The following ZDHHC3 variants were observed in gnomAD, a reference collection of about 807,000 sequenced individuals.
ZDHHC3 encodes zDHHC palmitoyltransferase 3.
ZDHHC3 carries 9 observed loss-of-function variants against 30.6 expected under a neutral mutation model. The observed-to-expected ratio is 0.29, with a 90% CI of 0.18 to 0.51. ZDHHC3 has a LOEUF of 0.51. Among genes scored for constraint, ZDHHC3 ranks in the 20% least tolerant of loss-of-function variants. The pLI is 0.97. For missense variants in ZDHHC3, 246 were observed against 384.2 expected (o/e 0.64, Z 3.01); for synonymous variants, 136 against 140.2 (o/e 0.97, Z 0.21).
At chr3:44,970,870 T>G (rs1705350211) in intron 1 of ZDHHC3, among the ~76,000 whole-genome samples, 1 of 152,198 alleles carries the variant, frequency 6.6e-6, no homozygotes, top group Non-Finnish European at 1.5e-5. Flanking sequence ...AATATTCAAA[T>G]ATTTGCATAT....
At chr3:44,944,991 A>T (rs1412306103) in intron 3 of ZDHHC3, among the ~76,000 whole-genome samples, 177 bp downstream of exon 3, 1 of 152,194 alleles carries the variant, frequency 6.6e-6, no homozygotes, top group Admixed American at 6.5e-5. Context: ...GCTCACAGGG[A>T]CCAGGAAGGA....
At chr3:44,938,071 A>G in intron 3 of ZDHHC3, 2 of 249,658 alleles carry the variant, frequency 8.0e-6, no homozygotes, top group Middle Eastern at 1.6e-3. Flanking sequence ...GCAGTCTCCA[A>G]CTCCTGGGTT....
intron 2 of ZDHHC3, among the ~76,000 whole-genome samples, chr3:44,950,530 C>G (rs1055314426): frequency 6.6e-6 from 1 of 152,114 alleles, no homozygotes; most frequent in African/African-American, 2.4e-5. Flanking sequence ...CATGTGCCCC[C>G]ACAATGAGAC....
At chr3:44,968,748 C>G (rs1055913614) in intron 1 of ZDHHC3, among the ~76,000 whole-genome samples, 3 of 152,142 alleles carry the variant, frequency 2.0e-5, no homozygotes, top group Non-Finnish European at 4.4e-5. Flanking sequence ...TCTATGAGCC[C>G]CTTCTGGCAC....
At chr3:44,929,705 A>AG (rs1020789826) in intron 5 of ZDHHC3, among the ~76,000 whole-genome samples, 6 of 152,124 alleles carry the variant, frequency 3.9e-5, no homozygotes, top group Non-Finnish European at 4.4e-5. Flanking sequence ...CACTGCCCCC[A>AG]GTGCCAAGCA....
intron 1 of ZDHHC3, among the ~76,000 whole-genome samples, chr3:44,963,581 G>A (rs1704667322): frequency 6.6e-6 from 1 of 151,554 alleles, no homozygotes; most frequent in Admixed American, 6.6e-5. Context: ...AGGCAAATAT[G>A]GACCCCCTTT....
At chr3:44,936,406 G>A (rs1366208575) in intron 3 of ZDHHC3, among the ~76,000 whole-genome samples, 1 of 152,202 alleles carries the variant, frequency 6.6e-6, no homozygotes, top group Non-Finnish European at 1.5e-5. Flanking sequence ...ACACTGTCGT[G>A]GGAGTGTAAA....
chr3:44,960,652 C>G (rs1047282678), intron 1 of ZDHHC3, among the ~76,000 whole-genome samples: 2 of 152,198 alleles, frequency 1.3e-5, no homozygotes, highest in Admixed American at 6.5e-5. Flanking sequence ...GGCTCAAGCT[C>G]CCCACCAGAT....
At chr3:44,929,534 A>G in intron 5 of ZDHHC3, 98 bp from the exon 6 acceptor site, 1 of 1,508,910 alleles carries the variant, frequency 6.6e-7, no homozygotes. Context: ...TCCTGCTTGC[A>G]GGCCTTCATT....
At position 44,945,242 on chromosome 3, in the gene ZDHHC3, C is replaced by T. The variant is rs772798171; in HGVS notation, c.357G>A (p.Gln119=). ...NATKEFIESL[Q]LKPGQVVYKC... ...TGTACACCACCTGCCCAGGCTTCAA[C>T]TGTAAACTCTCGATGAATTCTTTAG... The change falls in exon 3 of 7, where the codon CAG becomes CAA. Residue 119 remains glutamine, a synonymous_variant. Transcript: ENST00000424952. 2.5e-6 allele frequency: 4 copies of T among 1,614,252 alleles called. No individual in the cohort carries two copies. The highest frequency in any genetic ancestry group is 4.5e-5 in the East Asian group (2 of 44,882).
chr3:44,955,646 C>T lies in ZDHHC3; in HGVS notation c.306+3485G>A, dbSNP rs375889782. ...GGAACTCCTTAGAACCCTGCAGTGA[C>T]CACTTTCTAAAAAAAGACGACTGCA... On this transcript the variant is annotated intron_variant, in intron 2 of 6. Coordinates refer to ENST00000424952, the MANE Select transcript of ZDHHC3 (RefSeq NM_001135179.2). 3.2e-4 allele frequency among the ~76,000 whole-genome samples: 49 copies of T among 152,162 alleles called. 1 individual carries two copies. The highest frequency in any genetic ancestry group is 1.1e-3 in the African/African-American group (44 of 41,518).
rs138766532 is a variant in ZDHHC3 at position 44,916,460 on chromosome 3, C to A, written c.*10229G>T. ...ACCTTCTTCTCCTCTGAACTGCAGC[C>A]ACAGGCCCCTTGGGGCCAGGACTCA... is the stretch of plus-strand genomic sequence containing the variant. On this transcript the variant is annotated 3_prime_UTR_variant, in exon 7 of 7. Coordinates refer to ENST00000424952, the MANE Select transcript of ZDHHC3 (RefSeq NM_001135179.2). 2.0e-5 allele frequency: 3 copies of A among 152,402 alleles called. No homozygotes were observed. Among genetic ancestry groups the A allele is most frequent in the African/African-American group, 7.2e-5 (3 of 41,572 alleles). 9.4% of individuals were successfully genotyped at this position (152,402 alleles called of 1,614,324 possible). A position where few individuals can be genotyped will look rare whatever the true frequency, so the allele number is the denominator to read the frequency against.
At chr3:44,935,754 T>C (rs184445534) in intron 3 of ZDHHC3, among the ~76,000 whole-genome samples, 1 of 152,268 alleles carries the variant, frequency 6.6e-6, no homozygotes, top group East Asian at 1.9e-4. Context: ...AACCTGCTTG[T>C]AAATGGGGAA....
intron 3 of ZDHHC3, among the ~76,000 whole-genome samples, chr3:44,935,077 T>C (rs1701836659): frequency 6.6e-6 from 1 of 152,120 alleles, no homozygotes; most frequent in Non-Finnish European, 1.5e-5. Flanking sequence ...GAAACAAGCG[T>C]CCCGGACTAC....
intron 1 of ZDHHC3, among the ~76,000 whole-genome samples, chr3:44,974,841 C>T (rs1001492794): frequency 3.9e-5 from 6 of 152,176 alleles, no homozygotes; most frequent in Non-Finnish European, 8.8e-5. Flanking sequence ...GACGACCTCC[C>T]AATCCCACTG....
At position 44,958,133 on chromosome 3, in the gene ZDHHC3, C is replaced by T. The variant is rs1310928467; in HGVS notation, c.306+998G>A. Among the ~76,000 whole-genome samples the T allele has an allele frequency of 2.0e-5, 3 of 152,196 alleles. No individual in the cohort carries two copies. In the East Asian group the frequency reaches 5.8e-4, roughly 29 times the overall value. On this transcript the variant is annotated intron_variant, in intron 2 of 6. Transcript: ENST00000424952. ...CCCTGCCTGCTGGTGTGTTTGGTCTCCCTGAGGCATGCGCAGGAACAGAGA... is the reference window on the plus strand; with the variant it reads ...CCCTGCCTGCTGGTGTGTTTGGTCTTCCTGAGGCATGCGCAGGAACAGAGA...
At chr3:44,949,995 C>T (rs1703299553) in intron 2 of ZDHHC3, among the ~76,000 whole-genome samples, 1 of 152,102 alleles carries the variant, frequency 6.6e-6, no homozygotes, top group Non-Finnish European at 1.5e-5. Context: ...GCCACCATGT[C>T]CAGCTAATTA....
At chr3:44,928,727 T>G (rs570077187) in intron 6 of ZDHHC3, among the ~76,000 whole-genome samples, 1 of 152,086 alleles carries the variant, frequency 6.6e-6, no homozygotes, top group South Asian at 2.1e-4. Context: ...GAAGATGCTG[T>G]GGGTAGATGG....
intron 5 of ZDHHC3, among the ~76,000 whole-genome samples, chr3:44,931,624 T>C (rs1481624146): frequency 6.6e-6 from 1 of 152,190 alleles, no homozygotes; most frequent in Non-Finnish European, 1.5e-5. Flanking sequence ...TACTGACCTG[T>C]GCCTTCCCAG....
Sources: gnomAD v4.1 joint callset for allele counts (sites outside exome capture counted in the v4.1 genomes callset) on GRCh38, gnomAD v4.1.1 for gene constraint, MANE v1.5 for transcripts, NCBI Gene and HGNC (gene_info 2026-07-23, HGNC 2026-07-21) for gene names.